PAH: variants seen among roughly 807,000 people sequenced by gnomAD.
PAH encodes phenylalanine hydroxylase, also known as phenylalanine-4-hydroxylase.
A neutral mutation model predicts 62.0 loss-of-function variants in PAH; 64 were observed. The observed-to-expected ratio is 1.03, with a 90% CI of 0.84 to 1.27. The LOEUF is 1.27. Among genes scored for constraint, PAH ranks in the 50% most tolerant of loss-of-function variants. The probability of loss-of-function intolerance (pLI) is 0.00; values close to 1 mark genes in which losing one functional copy is unlikely to be tolerated. For missense variants in PAH, 579 were observed against 542.8 expected, an observed-to-expected ratio of 1.07 and a Z score of -0.66; for synonymous variants, 195 against 196.2, an observed-to-expected ratio of 0.99 and a Z score of 0.05.
intron 3 of PAH, among the ~76,000 whole-genome samples, chr12:102,882,553 C>T (rs899196785): frequency 2.7e-5 from 4 of 149,454 alleles, no homozygotes; most frequent in Non-Finnish European, 1.5e-5. Context: ...TACTGCTCAG[C>T]TGTGAGTTAC....
At chr12:102,841,968 C>A (rs1304539544) in intron 11 of PAH, among the ~76,000 whole-genome samples, 1 of 152,192 alleles carries the variant, frequency 6.6e-6, no homozygotes, top group Non-Finnish European at 1.5e-5. Context: ...TTGAGGGAAT[C>A]CAAAGGGATG....
intron 1 of PAH, among the ~76,000 whole-genome samples, chr12:102,926,389 G>A (rs1394382277): frequency 7.9e-5 from 12 of 151,920 alleles, no homozygotes; most frequent in East Asian, 1.9e-4. Context: ...GGACTTTTCT[G>A]AGGAGCATAC....
chr12:102,949,533 A>G (rs536841532), intron 1 of PAH, among the ~76,000 whole-genome samples: 7 of 152,346 alleles, frequency 4.6e-5, no homozygotes, highest in African/African-American at 1.7e-4. Context: ...TCACAGAGGT[A>G]GAAAGTTTCA....
chr12:102,875,883 CACACAA>C (rs1876539912), intron 4 of PAH, among the ~76,000 whole-genome samples: 1 of 149,890 alleles, frequency 6.7e-6, no homozygotes, highest in African/African-American at 2.5e-5. Flanking sequence ...ACAGTTAATA[CACACAA>C]ACACACACAC....
chr12:102,947,721 A>G (rs1352594415), intron 1 of PAH, among the ~76,000 whole-genome samples: 2 of 152,228 alleles, frequency 1.3e-5, no homozygotes, highest in Non-Finnish European at 2.9e-5. Context: ...GTAGCAAAAT[A>G]GAGTCGGGGT....
At chr12:102,851,803 C>A in intron 7 of PAH, 47 bp from the exon 8 acceptor site, 5 of 1,421,578 alleles carry the variant, frequency 3.5e-6, no homozygotes, top group Non-Finnish European at 5.0e-6. Context: ...GAGGTTTAAG[C>A]CAAGCCAGAC....
chr12:102,856,313 G>A (rs1387588810), intron 5 of PAH, among the ~76,000 whole-genome samples: 1 of 152,106 alleles, frequency 6.6e-6, no homozygotes, highest in Non-Finnish European at 1.5e-5. Context: ...TAGTTTAAAA[G>A]TCGTTAGTTT....
intron 2 of PAH, among the ~76,000 whole-genome samples, chr12:102,909,777 G>A (rs1878129667): frequency 1.3e-5 from 2 of 152,136 alleles, no homozygotes; most frequent in African/African-American, 4.8e-5. Context: ...TGGGCAACAT[G>A]GTGAAACCCT....
chr12:102,954,082 T>C (rs779184055), upstream of PAH, among the ~76,000 whole-genome samples: 13 of 152,200 alleles, frequency 8.5e-5, no homozygotes, highest in Non-Finnish European at 1.8e-4. Flanking sequence ...AAGGACTTGC[T>C]CAGAATCAGG....
Position 102,862,101 on chromosome 12 carries a change from C to T in PAH, c.509+4495G>A, listed in dbSNP as rs1623295. ...TCATTCTATCATAAAGACACATACACGCATATGTTCACTGCAGCACTATTC... is the reference window on the plus strand; with the variant it reads ...TCATTCTATCATAAAGACACATACATGCATATGTTCACTGCAGCACTATTC... On this transcript the variant is annotated intron_variant, in intron 5 of 12. Transcript: ENST00000553106. Among the ~76,000 whole-genome samples the T allele has an allele frequency of 2.3e-4, 35 of 152,170 alleles. No homozygotes were observed. In the Middle Eastern group the frequency reaches 0.017, roughly 74 times the overall value.
intron 1 of PAH, among the ~76,000 whole-genome samples, chr12:102,915,508 AAAGTAAAAGATTT>A (rs1261988783): frequency 1.3e-5 from 2 of 152,232 alleles, no homozygotes; most frequent in Admixed American, 1.3e-4. Context: ...TGTTTCTTGC[AAAGTAAAAGATTT>A]ACTCTGGTCC....
chr12:102,902,808 T>A (rs2136712896), intron 2 of PAH, among the ~76,000 whole-genome samples: 1 of 152,280 alleles, frequency 6.6e-6, no homozygotes, highest in Non-Finnish European at 1.5e-5. Flanking sequence ...GGGATCTCAC[T>A]CTTGCTTCCT....
chr12:102,946,966 C>T (rs966160448), intron 1 of PAH, among the ~76,000 whole-genome samples: 12 of 152,046 alleles, frequency 7.9e-5, no homozygotes, highest in Admixed American at 3.9e-4. Flanking sequence ...GCCTTTTATA[C>T]GTGTGACTGT....
chr12:102,883,391 C>T lies in PAH; in HGVS notation c.353-5841G>A, dbSNP rs951213980. 2.5e-3 allele frequency among the ~76,000 whole-genome samples: 385 copies of T among 152,150 alleles called. 3 individuals carry two copies. The highest frequency in any genetic ancestry group is 7.6e-4 in the Non-Finnish European group (52 of 68,038). ...TGCAGGCTGGCTGGCGCTCAGCGAA[C>T]GCCAGAGGGCAGCAGAACCAGCATA... On this transcript the variant is annotated intron_variant, in intron 3 of 12. Coordinates refer to ENST00000553106, the MANE Select transcript of PAH (RefSeq NM_000277.3).
chr12:102,899,899 AAAC>A (rs1256295040), intron 2 of PAH, among the ~76,000 whole-genome samples: 18 of 148,176 alleles, frequency 1.2e-4, no homozygotes, highest in African/African-American at 2.7e-4. Context: ...TGAGTAACAA[AAAC>A]AACAACATGT....
intron 5 of PAH, among the ~76,000 whole-genome samples, chr12:102,862,945 T>TTA (rs1442964732): frequency 2.4e-5 from 3 of 124,184 alleles, no homozygotes. Context: ...GCAATGATGG[T>TTA]GAAAAAAAAA....
chr12:102,884,721 C>T (rs1378288491), intron 3 of PAH, among the ~76,000 whole-genome samples: 1 of 152,144 alleles, frequency 6.6e-6, no homozygotes, highest in Non-Finnish European at 1.5e-5. Context: ...CACTAGAGGC[C>T]AAGCCAGTCC....
intron 8 of PAH, 117 bp from the exon 9 acceptor site, chr12:102,847,068 T>TAA (rs1874885260): frequency 1.3e-6 from 1 of 785,764 alleles, no homozygotes; most frequent in Admixed American, 1.8e-5. Flanking sequence ...ACAGCCCACA[T>TAA]AGACCCTGAG....
In PAH at chr12:102,840,411, T is replaced by A. The variant is rs1592945394; in HGVS notation, c.1304A>T (p.Asp435Val). The A allele has an allele frequency of 6.2e-7, 1 of 1,611,428 alleles. No individual in the cohort carries two copies. The highest frequency in any genetic ancestry group is 8.5e-7 in the Non-Finnish European group (1 of 1,177,584). ...TGTAAATTACTTACTGTTAATGGAA[T>A]CAGCCAAAATCTTAAGCTGCTGGGT... The part of the protein sequence containing the change: ...DNTQQLKILA[D>V]SINSEIGILC... The change falls in exon 12 of 13, where the codon GAT becomes GTT. Residue 435 changes from aspartate (D) to valine (V), a missense_variant. Asp to Val is a radical substitution (Grantham distance 152, BLOSUM62 -3). Coordinates refer to ENST00000553106, the MANE Select transcript of PAH (RefSeq NM_000277.3).
Sources: gnomAD v4.1 joint callset for allele counts (sites outside exome capture counted in the v4.1 genomes callset) on GRCh38, gnomAD v4.1.1 for gene constraint, MANE v1.5 for transcripts, NCBI Gene and HGNC (gene_info 2026-07-23, HGNC 2026-07-21) for gene names.